ZBTB20: variants seen among roughly 807,000 people sequenced by gnomAD.
ZBTB20 encodes zinc finger and BTB domain containing 20, also known as zinc finger and BTB domain-containing protein 20.
ZBTB20 carries 9 observed loss-of-function variants against 56.9 expected under a neutral mutation model. The observed-to-expected ratio is 0.16, with a 90% CI of 0.10 to 0.28. The LOEUF (loss-of-function observed/expected upper bound fraction) is 0.28, where lower values mean the gene tolerates loss of function less well. Among genes scored for constraint, ZBTB20 ranks in the 10% least tolerant of loss-of-function variants. ZBTB20 has a pLI of 1.00. For synonymous variants in ZBTB20, 417 were observed against 420.7 expected, an observed-to-expected ratio of 0.99 and a Z score of 0.11; for missense variants, 655 against 1,003.0, an observed-to-expected ratio of 0.65 and a Z score of 4.69.
chr3:114,444,206 C>T (rs2091115602), intron 7 of ZBTB20, among the ~76,000 whole-genome samples: 1 of 152,100 alleles, frequency 6.6e-6, no homozygotes, highest in Non-Finnish European at 1.5e-5. Context: ...CAAAGAAATA[C>T]TTCTTTCCAA....
intron 4 of ZBTB20, among the ~76,000 whole-genome samples, chr3:114,872,237 T>C (rs1474589289): frequency 3.9e-5 from 6 of 152,110 alleles, no homozygotes; most frequent in African/African-American, 7.2e-5. Flanking sequence ...CCATGCTAGA[T>C]ACTGGGAACA....
chr3:114,837,524 C>T (rs2074180851), intron 4 of ZBTB20, among the ~76,000 whole-genome samples: 2 of 152,034 alleles, frequency 1.3e-5, no homozygotes, highest in African/African-American at 4.8e-5. Flanking sequence ...TCTGAATTCT[C>T]GACTGAAGAG....
chr3:114,415,764 G>A (rs1036362543), intron 7 of ZBTB20, among the ~76,000 whole-genome samples: 11 of 152,048 alleles, frequency 7.2e-5, no homozygotes, highest in South Asian at 2.1e-4. Flanking sequence ...ACTCCTGGGC[G>A]AAATAACTTA....
chr3:115,040,841 T>A (rs114117443), intron 2 of ZBTB20, among the ~76,000 whole-genome samples: 2,102 of 152,196 alleles, frequency 0.014, 61 homozygotes, highest in African/African-American at 0.048. Context: ...ATCCTCGAGT[T>A]ACTGGCACCA....
intron 5 of ZBTB20, among the ~76,000 whole-genome samples, chr3:114,787,320 G>C (rs1042724827): frequency 9.0e-6 from 1 of 111,588 alleles, no homozygotes. Flanking sequence ...AAAGAAGCCA[G>C]TCTTAAAAGG....
At chr3:114,566,516 A>G (rs2052772066) in intron 6 of ZBTB20, among the ~76,000 whole-genome samples, 1 of 152,156 alleles carries the variant, frequency 6.6e-6, no homozygotes, top group South Asian at 2.1e-4. Context: ...TTTAGATGTG[A>G]CATACCACCT....
At chr3:115,145,225 G>A (rs978546575) in intron 1 of ZBTB20, among the ~76,000 whole-genome samples, 1 of 152,086 alleles carries the variant, frequency 6.6e-6, no homozygotes, top group Non-Finnish European at 1.5e-5. Context: ...GAATCACAAA[G>A]AACAAAGGCA....
At chr3:114,904,465 A>G (rs549021270) in intron 3 of ZBTB20, 1 of 152,032 alleles carries the variant, frequency 6.6e-6, no homozygotes, top group African/African-American at 2.4e-5. Flanking sequence ...TTGAGAGAAG[A>G]CTATGTAATT....
intron 3 of ZBTB20, among the ~76,000 whole-genome samples, chr3:114,958,269 T>G (rs941283021): frequency 2.0e-5 from 3 of 152,252 alleles, no homozygotes; most frequent in Non-Finnish European, 4.4e-5. Context: ...GATTACTGTC[T>G]AAAGAATTTA....
intron 6 of ZBTB20, among the ~76,000 whole-genome samples, chr3:114,638,176 T>C (rs532646071): frequency 1.9e-4 from 29 of 152,206 alleles, no homozygotes; most frequent in Admixed American, 8.5e-4. Flanking sequence ...GCAATCCACT[T>C]GAGAGGCAAG....
intron 7 of ZBTB20, among the ~76,000 whole-genome samples, chr3:114,434,234 T>C (rs1480957218): frequency 6.6e-6 from 1 of 152,042 alleles, no homozygotes; most frequent in Non-Finnish European, 1.5e-5. Flanking sequence ...GGGAAATACT[T>C]GGCCTGTGCA....
intron 7 of ZBTB20, among the ~76,000 whole-genome samples, chr3:114,492,299 C>T (rs1301116315): frequency 6.6e-6 from 1 of 152,164 alleles, no homozygotes; most frequent in East Asian, 1.9e-4. Context: ...TATATAAATA[C>T]CTGTGCAATA....
intron 7 of ZBTB20, among the ~76,000 whole-genome samples, chr3:114,416,697 C>T (rs1005939914): frequency 3.9e-5 from 6 of 152,026 alleles, no homozygotes; most frequent in South Asian, 2.1e-4. Flanking sequence ...GCTGTCCTTA[C>T]TGCACATAAT....
chr3:114,969,475 T>C (rs2077782452), intron 3 of ZBTB20, among the ~76,000 whole-genome samples: 1 of 152,094 alleles, frequency 6.6e-6, no homozygotes, highest in Non-Finnish European at 1.5e-5. Context: ...GGATACAAAA[T>C]ATAGTTGGGA....
At chr3:114,871,091 A>G (rs2075990522) in intron 4 of ZBTB20, among the ~76,000 whole-genome samples, 1 of 152,206 alleles carries the variant, frequency 6.6e-6, no homozygotes, top group South Asian at 2.1e-4. Flanking sequence ...ACAAGAAAGG[A>G]GAAGGCCATG....
chr3:114,884,186 A>C (rs2076518086), intron 4 of ZBTB20, among the ~76,000 whole-genome samples: 1 of 151,626 alleles, frequency 6.6e-6, no homozygotes, highest in South Asian at 2.1e-4. Context: ...CGGCCTCCCA[A>C]AGTGCTGGGA....
Position 114,769,930 on chromosome 3 carries a change from G to A in ZBTB20, c.-343+31171C>T. Reference sequence around the variant, plus strand: ...AAAAATTAGCTGGGCATGGTGGTGTGCACCCGTAATCCTAGGTGCTCCAGA... The same window carrying A: ...AAAAATTAGCTGGGCATGGTGGTGTACACCCGTAATCCTAGGTGCTCCAGA... On this transcript the variant is annotated intron_variant, in intron 5 of 11. Coordinates refer to ENST00000675478, the MANE Select transcript of ZBTB20 (RefSeq NM_001348800.3). Among the ~76,000 whole-genome samples the A allele has an allele frequency of 1.3e-5, 2 of 151,538 alleles. 1 individual carries two copies. Among genetic ancestry groups the A allele is most frequent in the East Asian group, 3.9e-4 (2 of 5,154 alleles).
intron 4 of ZBTB20, among the ~76,000 whole-genome samples, chr3:114,812,007 G>T (rs1483255543): frequency 6.6e-6 from 1 of 152,188 alleles, no homozygotes; most frequent in Non-Finnish European, 1.5e-5. Flanking sequence ...CCTTCTGGTG[G>T]GTTTGTGGTC....
chr3:114,759,495 T>C (rs371751592), intron 5 of ZBTB20, among the ~76,000 whole-genome samples: 23 of 152,262 alleles, frequency 1.5e-4, no homozygotes, highest in Admixed American at 4.6e-4. Context: ...AACACAGTCA[T>C]TGGGCAGACA....
Sources: gnomAD v4.1 joint callset for allele counts (sites outside exome capture counted in the v4.1 genomes callset) on GRCh38, gnomAD v4.1.1 for gene constraint, MANE v1.5 for transcripts, NCBI Gene and HGNC (gene_info 2026-07-23, HGNC 2026-07-21) for gene names.